Variants in PCSK9 observed in about 807,000 individuals in gnomAD.
PCSK9 encodes proprotein convertase subtilisin/kexin type 9, also known as convertase subtilisin/kexin type 9 preproprotein.
Under a neutral mutation model 62.1 loss-of-function variants are expected in PCSK9, and 57 were observed. That is an observed-to-expected ratio of 0.92 (90% CI 0.74 to 1.14). The LOEUF is 1.14. Ranked by LOEUF, PCSK9 falls within the 50% of genes most tolerant of loss-of-function variation. The pLI is 0.00. For missense variants in PCSK9, 870 were observed against 959.8 expected, an observed-to-expected ratio of 0.91 and a Z score of 1.24; for synonymous variants, 387 against 409.4, an observed-to-expected ratio of 0.95 and a Z score of 0.66.
intron 1 of PCSK9, among the ~76,000 whole-genome samples, chr1:55,043,315 T>C (rs1174845454): frequency 6.6e-6 from 1 of 152,256 alleles, no homozygotes; most frequent in Non-Finnish European, 1.5e-5. Context: ...CTCTTGACTT[T>C]CCCAGCAGGC....
Position 55,057,343 on chromosome 1 carries a change from G to A in PCSK9, c.1009G>A (p.Gly337Arg), listed in dbSNP as rs865848494. The change falls in exon 7 of 12, where the codon GGG becomes AGG. Residue 337 changes from glycine to arginine, a missense_variant. Coordinates refer to ENST00000302118, the MANE Select transcript of PCSK9 (RefSeq NM_174936.4). ...PASAPEVITV[G>R]ATNAQDQPVT... ...CTCACCTTTCCAGGTCATCACAGTTGGGGCCACCAATGCCCAAGACCAGCC... is the reference window on the plus strand; with the variant it reads ...CTCACCTTTCCAGGTCATCACAGTTAGGGCCACCAATGCCCAAGACCAGCC... 1.9e-6 allele frequency: 3 copies of A among 1,613,732 alleles called. No individual in the cohort carries two copies. The South Asian group carries it at 3.3e-5, about 18-fold the overall frequency.
Position 55,039,878 on chromosome 1 carries a change from CACT to C in PCSK9, c.42_44del (p.Leu23del), listed in dbSNP as rs1453893690. 2 of 1,547,642 alleles carry C rather than the reference CACT, an allele frequency of 1.3e-6. No individual in the cohort carries two copies. The highest frequency in any genetic ancestry group is 2.4e-5 in the East Asian group (1 of 42,228). On this transcript the variant is annotated inframe_deletion, in exon 1 of 12. Transcript: ENST00000302118. ...TCCAGGCGGTCCTGGTGGCCGCTGCCACTGCTGCTGCTGCTGCTGCTGCTCCTG... is the reference window on the plus strand; with the variant it reads ...TCCAGGCGGTCCTGGTGGCCGCTGCCGCTGCTGCTGCTGCTGCTGCTCCTG...
intron 11 of PCSK9, among the ~76,000 whole-genome samples, chr1:55,061,863 T>C (rs970597452): frequency 6.6e-6 from 1 of 152,226 alleles, no homozygotes; most frequent in African/African-American, 2.4e-5. Context: ...GATTGATCTA[T>C]TTTTTTCTGA....
Position 55,040,090 on chromosome 1 carries a change from C to T in PCSK9, c.207+46C>T, listed in dbSNP as rs1336298890. Reference sequence around the variant, plus strand: ...GGCCGGGGCGAACCCGCAGCCGGGACGGTGCGGTGCTGTTTCCTCTCGGGC... The same window carrying T: ...GGCCGGGGCGAACCCGCAGCCGGGATGGTGCGGTGCTGTTTCCTCTCGGGC... On this transcript the variant is annotated intron_variant, in intron 1 of 11. Transcript: ENST00000302118. This position sits in a 1 kb window ranked among gnomAD's most constrained non-coding sequence, Gnocchi z 4.1. 5 of 1,539,500 alleles carry T rather than the reference C, an allele frequency of 3.2e-6. No homozygotes were observed. Among genetic ancestry groups the T allele is most frequent in the Non-Finnish European group, 3.5e-6 (4 of 1,139,430 alleles).
intron 3 of PCSK9, chr1:55,051,367 G>A (rs1370019876): frequency 1.1e-5 from 4 of 360,216 alleles, no homozygotes; most frequent in South Asian, 4.1e-5. Flanking sequence ...GGCCATTTCC[G>A]CTGGCGCAGG....
chr1:55,053,345 G>A (rs1429870311), intron 5 of PCSK9, among the ~76,000 whole-genome samples: 1 of 152,158 alleles, frequency 6.6e-6, no homozygotes, highest in East Asian at 1.9e-4. Flanking sequence ...GGGGGCCGGT[G>A]GACAGAGAAG....
chr1:55,043,274 G>C (rs912336722), intron 1 of PCSK9, among the ~76,000 whole-genome samples: 30 of 152,288 alleles, frequency 2.0e-4, no homozygotes, highest in African/African-American at 7.0e-4. Context: ...CATTTGTAGA[G>C]CATCTGGATG....
At chr1:55,046,747 G>A (rs1476619176) in intron 3 of PCSK9, 101 bp downstream of exon 3, 2 of 1,430,396 alleles carry the variant, frequency 1.4e-6, no homozygotes, top group East Asian at 2.3e-5. Context: ...TTCTCGGGGG[G>A]CTTTGGGACT....
chr1:55,062,437 C>T (rs1173638212), intron 11 of PCSK9, among the ~76,000 whole-genome samples: 2 of 152,204 alleles, frequency 1.3e-5, no homozygotes, highest in Non-Finnish European at 2.9e-5. Context: ...GGGAGGGATA[C>T]AGGCCCAAGA....
chr1:55,044,148 T>G, intron 2 of PCSK9, 114 bp downstream of exon 2: 2 of 1,240,250 alleles, frequency 1.6e-6, no homozygotes, highest in Non-Finnish European at 2.3e-6. Context: ...ACAGCAAGTA[T>G]GTATTGAGCA....
chr1:55,057,997 CG>C (rs780836648), intron 7 of PCSK9, 38 bp from the exon 8 acceptor site: 109 of 1,612,772 alleles, frequency 6.8e-5, no homozygotes, highest in Admixed American at 5.8e-4. Context: ...GCAGGAGGGC[CG>C]GGCCATCACC....
Position 55,040,145 on chromosome 1 carries a change from T to A in PCSK9, c.207+101T>A. On this transcript the variant is annotated intron_variant, in intron 1 of 11. Coordinates refer to ENST00000302118, the MANE Select transcript of PCSK9 (RefSeq NM_174936.4). The surrounding 1 kb of genome is among the most constrained non-coding windows in gnomAD (Gnocchi z 4.1). ...GTTTCCCCCCATGTAAGAGAGGAAGTGGAGTGCAGGTCGCCGAGGGCTCTT... is the reference window on the plus strand; with the variant it reads ...GTTTCCCCCCATGTAAGAGAGGAAGAGGAGTGCAGGTCGCCGAGGGCTCTT... The A allele has an allele frequency of 7.0e-7, 1 of 1,434,868 alleles. No individual in the cohort carries two copies. Among genetic ancestry groups the A allele is most frequent in the Non-Finnish European group, 9.5e-7 (1 of 1,057,996 alleles). The allele number at this position is 1,434,868 out of a possible 1,614,324, so 88.9% of individuals were successfully genotyped here.
At chr1:55,050,393 C>T (rs1426924072) in intron 3 of PCSK9, among the ~76,000 whole-genome samples, 2 of 152,184 alleles carry the variant, frequency 1.3e-5, no homozygotes, top group East Asian at 1.9e-4. Flanking sequence ...GTCTTCAGGT[C>T]GGAGCTCACA....
intron 10 of PCSK9, 73 bp from the exon 11 acceptor site, chr1:55,061,302 G>C: frequency 6.7e-7 from 1 of 1,485,402 alleles, no homozygotes; most frequent in South Asian, 1.3e-5. Flanking sequence ...AAGAGAGAGG[G>C]TCTGATGGGG....
intron 3 of PCSK9, 128 bp from the exon 4 acceptor site, chr1:55,052,150 T>C: frequency 7.6e-7 from 1 of 1,314,430 alleles, no homozygotes; most frequent in Admixed American, 1.7e-5. Context: ...TTTTTGGAGG[T>C]TAAACGAGTG....
At chr1:55,046,310 C>T (rs1437609845) in intron 2 of PCSK9, among the ~76,000 whole-genome samples, 1 of 152,178 alleles carries the variant, frequency 6.6e-6, no homozygotes, top group Non-Finnish European at 1.5e-5. Context: ...GACCGTGTTG[C>T]AGGGATATGG....
Position 55,046,554 on chromosome 1 carries a change from A to C in PCSK9, c.431A>C (p.Glu144Ala). 2 of 1,614,138 alleles carry C rather than the reference A, an allele frequency of 1.2e-6. No individual in the cohort carries two copies. The highest frequency in any genetic ancestry group is 1.7e-6 in the Non-Finnish European group (2 of 1,180,010). ...AAGTTGCCCCATGTCGACTACATCG[A>C]GGAGGACTCCTCTGTCTTTGCCCAG... ...ALKLPHVDYI[E>A]EDSSVFAQSI... Residue 144 changes from glutamate to alanine, a missense_variant, in exon 3 of 12, where the codon GAG becomes GCG. By Grantham distance (107) the Glu-to-Ala change is moderately radical. Transcript: ENST00000302118.
chr1:55,054,871 G>A lies in PCSK9; in HGVS notation c.800-1122G>A, dbSNP rs28362250. The stretch of plus-strand genomic sequence containing the variant: ...CTACAAAAAATTAGCCGGGCGTGGT[G>A]GCAGGCGCCTGTAGTCCCAGCTACT... On this transcript the variant is annotated intron_variant, in intron 5 of 11. Transcript: ENST00000302118. Among the ~76,000 whole-genome samples the A allele has an allele frequency of 5.5e-3, 832 of 152,298 alleles. 10 individuals are homozygous for A. Among genetic ancestry groups the A allele is most frequent in the African/African-American group, 0.019 (801 of 41,558 alleles).
intron 8 of PCSK9, 114 bp downstream of exon 8, chr1:55,058,323 T>C (rs1644731995): frequency 6.7e-7 from 1 of 1,481,906 alleles, no homozygotes; most frequent in Non-Finnish European, 9.2e-7. Flanking sequence ...CCACCTTAAA[T>C]AGGATTAAAT....
Sources: gnomAD v4.1 joint callset for allele counts (sites outside exome capture counted in the v4.1 genomes callset) on GRCh38, gnomAD v4.1.1 for gene constraint, Gnocchi (gnomAD v3.1) non-coding constraint, MANE v1.5 for transcripts, NCBI Gene and HGNC (gene_info 2026-07-23, HGNC 2026-07-21) for gene names.